Variants in GORASP1 observed in about 807,000 individuals in gnomAD.
The protein encoded by GORASP1 is Golgi reassembly-stacking protein 1.
In GORASP1, 31 loss-of-function variants were observed where a neutral mutation model predicts 37.7. That is an observed-to-expected ratio of 0.82 (90% CI 0.62 to 1.11). The LOEUF is 1.11. GORASP1 is among the 50% of genes least tolerant of loss of function. The probability of loss-of-function intolerance (pLI) is 0.00; values close to 1 mark genes in which losing one functional copy is unlikely to be tolerated. For missense variants in GORASP1, 476 were observed against 560.7 expected (o/e 0.85, Z 1.53); for synonymous variants, 204 against 224.8 (o/e 0.91, Z 0.83).
At chr3:39,099,172 CCT>C in intron 7 of GORASP1, 179 bp downstream of exon 7, 1 of 836,580 alleles carries the variant, frequency 1.2e-6, no homozygotes, top group South Asian at 1.4e-5. Flanking sequence ...AAGGAGGCTA[CCT>C]CTCTTCTCTG....
In GORASP1 at chr3:39,097,138, C is replaced by T. The variant is rs1229435650; in HGVS notation, c.*1098G>A. On this transcript the variant is annotated 3_prime_UTR_variant, in exon 9 of 9. Coordinates refer to ENST00000319283, the MANE Select transcript of GORASP1 (RefSeq NM_031899.4). ...TCCTTGTCCTGCATACCTGACACAG[C>T]TTGTGAGTTCCCTGCATGTACACCA... The T allele has an allele frequency of 6.6e-6, 1 of 152,258 alleles. No homozygotes were observed. Among genetic ancestry groups the T allele is most frequent in the African/African-American group, 2.4e-5 (1 of 41,456 alleles). The allele number at this position is 152,258 out of a possible 1,614,324, so 9.4% of individuals were successfully genotyped here.
rs1575450949 is a variant in GORASP1, at chr3:39,098,823, A to G, written c.987T>C (p.Ser329=). The change falls in exon 8 of 9, where the codon TCT becomes TCC. Residue 329 remains serine, a synonymous_variant. Coordinates refer to ENST00000319283, the MANE Select transcript of GORASP1 (RefSeq NM_031899.4). The surrounding 1 kb of genome is among the most constrained non-coding windows in gnomAD (Gnocchi z 4.7). ...CAGCTGTGGTGGTCAGTTCTGTGGA[A>G]GAGGGCAGGCTGGGCCACACACTGG... ...SNASVWPSLP[S]STELTTTAVS... 1 of 1,614,158 alleles carries G rather than the reference A, an allele frequency of 6.2e-7. No individual in the cohort carries two copies. Among genetic ancestry groups the G allele is most frequent in the East Asian group, 2.2e-5 (1 of 44,874 alleles).
rs778681415 is a variant in GORASP1 at position 39,098,698 on chromosome 3, C to T, written c.1069+43G>A. 28 of 1,600,374 alleles carry T rather than the reference C, an allele frequency of 1.7e-5. No individual in the cohort carries two copies. The highest frequency in any genetic ancestry group is 2.2e-5 in the Non-Finnish European group (26 of 1,172,716). On this transcript the variant is annotated intron_variant, in intron 8 of 8. Coordinates refer to ENST00000319283, the MANE Select transcript of GORASP1 (RefSeq NM_031899.4). This position sits in a 1 kb window ranked among gnomAD's most constrained non-coding sequence, Gnocchi z 4.7. ...ATTGAGGGCAGCCTTCCCAACAACCCGGGGTCCTTCCCAGAGGACTTCGGA... is the reference window on the plus strand; with the variant it reads ...ATTGAGGGCAGCCTTCCCAACAACCTGGGGTCCTTCCCAGAGGACTTCGGA...
At position 39,098,418 on chromosome 3, in the gene GORASP1, C is replaced by CCGCCTGGGCTTGGG. The variant is rs766190846; in HGVS notation, c.1127_1140dup (p.Asp381ProfsTer11). 1.9e-6 allele frequency: 3 copies of CCGCCTGGGCTTGGG among 1,614,076 alleles called. No homozygotes were observed. The African/African-American group carries it at 4.0e-5, about 22-fold the overall frequency. On this transcript the variant is annotated frameshift_variant, in exon 9 of 9. Transcript: ENST00000319283. LOFTEE classifies it low-confidence loss of function (END_TRUNC). The surrounding 1 kb of genome is among the most constrained non-coding windows in gnomAD (Gnocchi z 4.7). ...GGAAGAGTCAGCTGAGGCAGGTGGT[C>CCGCCTGGGCTTGGG]CGCCTGGGCTTGGGCACCTGGGCTG...
intron 3 of GORASP1, chr3:39,101,326 C>T: frequency 1.6e-6 from 1 of 610,296 alleles, no homozygotes; most frequent in Non-Finnish European, 2.9e-6. Context: ...AGGCTCAGCA[C>T]CAGGCTCTGG....
chr3:39,105,773 C>A lies in GORASP1; in HGVS notation c.63+1706G>T, dbSNP rs1485240678. 6.6e-6 allele frequency among the ~76,000 whole-genome samples: 1 copy of A among 152,182 alleles called. No individual in the cohort carries two copies. Among genetic ancestry groups the A allele is most frequent in the Non-Finnish European group, 1.5e-5 (1 of 68,040 alleles). ...ATCTCAGAATAAAATCTTAAATCTT[C>A]AGGACAACAGGCAAGGTCCTACACG... On this transcript the variant is annotated intron_variant, in intron 1 of 8. Coordinates refer to ENST00000319283, the MANE Select transcript of GORASP1 (RefSeq NM_031899.4). The surrounding 1 kb of genome is among the most constrained non-coding windows in gnomAD (Gnocchi z 5.4).
chr3:39,099,590 C>G, intron 6 of GORASP1, 87 bp from the exon 7 acceptor site: 1 of 1,338,488 alleles, frequency 7.5e-7, no homozygotes, highest in Non-Finnish European at 1.0e-6. Flanking sequence ...CCACCAGTCC[C>G]CACTTGTCCC....
intron 3 of GORASP1, chr3:39,101,633 T>C: frequency 2.2e-6 from 1 of 449,728 alleles, no homozygotes; most frequent in Admixed American, 2.4e-5. Flanking sequence ...CCTTCTCCCT[T>C]GGAAAGTTCC....
intron 3 of GORASP1, chr3:39,101,583 G>C (rs1365905301): frequency 2.2e-6 from 1 of 457,006 alleles, no homozygotes; most frequent in Admixed American, 2.3e-5. Context: ...AGGGGTTGGA[G>C]GTGAGGGCAA....
chr3:39,100,726 C>T lies in GORASP1; in HGVS notation c.566+21G>A, dbSNP rs765702787. 6.2e-7 allele frequency: 1 copy of T among 1,611,794 alleles called. No homozygotes were observed. Among genetic ancestry groups the T allele is most frequent in the Admixed American group, 1.7e-5 (1 of 59,988 alleles). The stretch of plus-strand genomic sequence containing the variant: ...AGGCCCCACCCACCTGGCCCTGCAG[C>T]CCTCCAACCCCACGAAGTACCTGCC... On this transcript the variant is annotated intron_variant, in intron 5 of 8. Coordinates refer to ENST00000319283, the MANE Select transcript of GORASP1 (RefSeq NM_031899.4). This position sits in a 1 kb window ranked among gnomAD's most constrained non-coding sequence, Gnocchi z 4.6.
At position 39,098,540 on chromosome 3, in the gene GORASP1, G is replaced by C. The variant is rs1159257756; in HGVS notation, c.1070-51C>G. The C allele has an allele frequency of 6.4e-7, 1 of 1,572,636 alleles. No individual in the cohort carries two copies. The highest frequency in any genetic ancestry group is 8.6e-7 in the Non-Finnish European group (1 of 1,159,174). On this transcript the variant is annotated intron_variant, in intron 8 of 8. Coordinates refer to ENST00000319283, the MANE Select transcript of GORASP1 (RefSeq NM_031899.4). The surrounding 1 kb of genome is among the most constrained non-coding windows in gnomAD (Gnocchi z 4.7). The stretch of plus-strand genomic sequence containing the variant: ...GAGGTCTGCAAGAACCTAGGGCCAT[G>C]GTGTTAGGGCCAGTAACCCCACCGA...
chr3:39,098,443 G>A lies in GORASP1; in HGVS notation c.1116C>T (p.Asp372=). 1 of 1,614,170 alleles carries A rather than the reference G, an allele frequency of 6.2e-7. No homozygotes were observed. The highest frequency in any genetic ancestry group is 8.5e-7 in the Non-Finnish European group (1 of 1,180,038). ...SGSEFEVSFL[D]SPGAQAQADH... is the part of the protein sequence containing the mutation. Reference sequence around the variant, plus strand: ...CCGCCTGGGCTTGGGCACCTGGGCTGTCCAGGAAGGAGACCTCAAACTCTG... The same window carrying A: ...CCGCCTGGGCTTGGGCACCTGGGCTATCCAGGAAGGAGACCTCAAACTCTG... The change falls in exon 9 of 9, where the codon GAC becomes GAT. Residue 372 remains aspartate (D), a synonymous_variant. Transcript: ENST00000319283. This position sits in a 1 kb window ranked among gnomAD's most constrained non-coding sequence, Gnocchi z 4.7.
At chr3:39,106,694 C>T (rs1446989665) in intron 1 of GORASP1, among the ~76,000 whole-genome samples, 1 of 152,122 alleles carries the variant, frequency 6.6e-6, no homozygotes, top group Admixed American at 6.5e-5. Flanking sequence ...CAGAGACCCC[C>T]AGCCCCTCTC....
intron 1 of GORASP1, among the ~76,000 whole-genome samples, chr3:39,106,754 T>A (rs1306263990): frequency 6.6e-6 from 1 of 151,996 alleles, no homozygotes; most frequent in East Asian, 1.9e-4. Flanking sequence ...TCCATCCGGC[T>A]GCGGGACCCT....
In GORASP1 at chr3:39,097,824, C is replaced by T; in HGVS notation, c.*412G>A. On this transcript the variant is annotated 3_prime_UTR_variant, in exon 9 of 9. Transcript: ENST00000319283. The stretch of plus-strand genomic sequence containing the variant: ...TAGCATTGTAGCCTAGGGACAAGGA[C>T]ACATGACAGAGGACTCAGTGTTTGG... 5.7e-6 allele frequency: 1 copy of T among 174,914 alleles called. No individual in the cohort carries two copies. Among genetic ancestry groups the T allele is most frequent in the Non-Finnish European group, 1.2e-5 (1 of 83,434 alleles). The allele number at this position is 174,914 out of a possible 1,614,324, so 10.8% of individuals were successfully genotyped here.
At chr3:39,107,064 G>T (rs1278315556) in intron 1 of GORASP1, 3 of 464,156 alleles carry the variant, frequency 6.5e-6, no homozygotes, top group Non-Finnish European at 1.3e-5. Flanking sequence ...CCCCGGGACT[G>T]TCCTCGGCGT....
At chr3:39,107,169 G>C in intron 1 of GORASP1, 1 of 534,160 alleles carries the variant, frequency 1.9e-6, no homozygotes, top group Non-Finnish European at 3.6e-6. Flanking sequence ...GACTGGTAGT[G>C]GTGCATTCTT....
intron 7 of GORASP1, chr3:39,099,106 A>T: frequency 1.3e-6 from 1 of 782,112 alleles, no homozygotes; most frequent in Non-Finnish European, 2.2e-6. Flanking sequence ...TCATGTGAAT[A>T]GCACAGTGGC....
Position 39,102,941 on chromosome 3 carries a change from C to G in GORASP1, c.145-60G>C, listed in dbSNP as rs997125855. 4.6e-6 allele frequency: 7 copies of G among 1,520,372 alleles called. No individual in the cohort carries two copies. The highest frequency in any genetic ancestry group is 6.4e-6 in the Non-Finnish European group (7 of 1,094,798). The allele number at this position is 1,520,372 out of a possible 1,614,324, so 94.2% of individuals were successfully genotyped here. ...TCATGCCCAGGCTAGGACCCTCAGA[C>G]AAGTCTGGGCCTGAGATGGGGCAAG... is the stretch of plus-strand genomic sequence containing the variant. On this transcript the variant is annotated intron_variant, in intron 2 of 8. Transcript: ENST00000319283. This position sits in a 1 kb window ranked among gnomAD's most constrained non-coding sequence, Gnocchi z 5.0.
Sources: allele counts gnomAD v4.1 joint callset (sites outside exome capture counted in the v4.1 genomes callset), GRCh38; gene constraint gnomAD v4.1.1; non-coding constraint Gnocchi (gnomAD v3.1); transcripts MANE v1.5; gene names NCBI Gene and HGNC (gene_info 2026-07-23, HGNC 2026-07-21).